GRTP1: variants seen among roughly 807,000 people sequenced by gnomAD.
The protein encoded by GRTP1 is growth hormone regulated TBC protein 1.
A neutral mutation model predicts 38.1 loss-of-function variants in GRTP1; 56 were observed. The observed-to-expected ratio is 1.47, with a 90% CI of 1.19 to 1.84. The LOEUF is 1.84. Among genes scored for constraint, GRTP1 ranks in the 40% most tolerant of loss-of-function variants. GRTP1 has a pLI of 0.00. For missense variants in GRTP1, 506 were observed against 453.9 expected (o/e 1.11, Z -1.04); for synonymous variants, 217 against 189.5 (o/e 1.14, Z -1.19).
At chr13:113,334,280 A>ACTGCCTCCCGCCCCCCCCG (rs1202504022) in intron 5 of GRTP1, among the ~76,000 whole-genome samples, 137 of 142,530 alleles carry the variant, frequency 9.6e-4, no homozygotes, top group Middle Eastern at 3.5e-3. Context: ...CACTGCCACG[A>ACTGCCTCCCGCCCCCCCCG]CAGCCTCCCG....
At chr13:113,325,328 C>G in intron 7 of GRTP1, 1 of 1,401,156 alleles carries the variant, frequency 7.1e-7, no homozygotes, top group East Asian at 2.6e-5. Context: ...GGACCTGAGT[C>G]TATACGGCCT....
chr13:113,361,275 A>G (rs1241247883), intron 2 of GRTP1, among the ~76,000 whole-genome samples: 1 of 149,882 alleles, frequency 6.7e-6, no homozygotes, highest in East Asian at 2.0e-4. Context: ...ATTGCAAAGG[A>G]GTGGGGAAAA....
chr13:113,328,930 T>C (rs2042815466), intron 5 of GRTP1, among the ~76,000 whole-genome samples: 1 of 149,446 alleles, frequency 6.7e-6, no homozygotes, highest in Non-Finnish European at 1.5e-5. Context: ...AGAAGCCTGA[T>C]GCATCTCAAA....
At position 113,363,868 on chromosome 13, in the gene GRTP1, G is replaced by A. The variant is rs1448466243; in HGVS notation, c.75C>T (p.Asp25=). 20 of 1,611,752 alleles carry A rather than the reference G, an allele frequency of 1.2e-5. No individual in the cohort carries two copies. Among genetic ancestry groups the A allele is most frequent in the Non-Finnish European group, 1.6e-5 (19 of 1,179,572 alleles). ...TGGAGAAAAACTTCTCGTAGGCGGC[G>A]TCGTCGAAGTCCTCAGGCCGCTCGA... ...YGFERPEDFD[D]AAYEKFFSSY... Residue 25 remains aspartate, a synonymous_variant, in exon 2 of 8, where the codon GAC becomes GAT. Coordinates refer to ENST00000375431, the MANE Select transcript of GRTP1 (RefSeq NM_024719.4).
At chr13:113,331,271 C>T (rs1304139069) in intron 5 of GRTP1, among the ~76,000 whole-genome samples, 1 of 152,214 alleles carries the variant, frequency 6.6e-6, no homozygotes, top group Non-Finnish European at 1.5e-5. Context: ...TGCTCCTCAT[C>T]TGAGCCACAG....
intron 7 of GRTP1, chr13:113,325,156 C>T: frequency 9.6e-7 from 1 of 1,039,530 alleles, no homozygotes; most frequent in Non-Finnish European, 1.2e-6. Context: ...TGATGAAGGC[C>T]CAGCTGCTGA....
At chr13:113,346,727 T>C (rs36175247) in intron 4 of GRTP1, among the ~76,000 whole-genome samples, 4 of 194 alleles carry the variant, frequency 0.021, 2 homozygotes, top group Admixed American at 0.14. Context: ...CCTCTGTGGC[T>C]GAGAGCGGAC....
At chr13:113,325,388 T>A in intron 7 of GRTP1, 1 of 1,431,590 alleles carries the variant, frequency 7.0e-7, no homozygotes, top group Non-Finnish European at 9.1e-7. Flanking sequence ...GAAGCCACAC[T>A]TCTGGCACCA....
intron 4 of GRTP1, among the ~76,000 whole-genome samples, chr13:113,350,597 G>T (rs1222252588): frequency 7.8e-6 from 1 of 127,772 alleles, no homozygotes; most frequent in South Asian, 2.6e-4. Flanking sequence ...CACAGCGCAC[G>T]CACCCCACAG....
intron 5 of GRTP1, among the ~76,000 whole-genome samples, chr13:113,330,868 AGCCCAGGTGTGTGCATGG>A: frequency 1.4e-4 from 1 of 7,336 alleles, no homozygotes; most frequent in African/African-American, 6.5e-4. Flanking sequence ...TGTGCATGGA[AGCCCAGGTGTGTGCATGG>A]AAACCCGGGT....
intron 5 of GRTP1, among the ~76,000 whole-genome samples, chr13:113,337,986 C>T (rs1025277380): frequency 6.6e-6 from 1 of 152,260 alleles, no homozygotes; most frequent in African/African-American, 2.4e-5. Context: ...TAAAACCTGA[C>T]CTGCTTCCCT....
At chr13:113,336,010 T>C (rs2042949316) in intron 5 of GRTP1, among the ~76,000 whole-genome samples, 1 of 152,116 alleles carries the variant, frequency 6.6e-6, no homozygotes, top group Non-Finnish European at 1.5e-5. Context: ...CAGGCTGGTC[T>C]GAAACTCCTG....
Position 113,363,747 on chromosome 13 carries a change from GC to G in GRTP1, c.181+14del, listed in dbSNP as rs1566447109. 1 of 1,601,326 alleles carries G rather than the reference GC, an allele frequency of 6.2e-7. No homozygotes were observed. The highest frequency in any genetic ancestry group is 2.2e-5 in the East Asian group (1 of 44,506). ...ACCTGCGCCCTCGGGACCCACCTGC[GC>G]CCCCGGGACCCACCTGTCCGGCTCC... On this transcript the variant is annotated intron_variant, in intron 2 of 7. Transcript: ENST00000375431.
rs776623290 is a variant in GRTP1 at position 113,325,614 on chromosome 13, G to A, written c.921+47C>T. 1.2e-5 allele frequency: 20 copies of A among 1,613,550 alleles called. No individual in the cohort carries two copies. In the East Asian group the frequency reaches 3.1e-4, roughly 25 times the overall value. On this transcript the variant is annotated intron_variant, in intron 7 of 7. Coordinates refer to ENST00000375431, the MANE Select transcript of GRTP1 (RefSeq NM_024719.4). The stretch of plus-strand genomic sequence containing the variant: ...AGAGCAGCCCCCGGGCTGCAGGTGA[G>A]GCGGGGCCCCCTGGGAGGGGACTGA...
At chr13:113,351,349 G>C (rs554351386) in intron 3 of GRTP1, among the ~76,000 whole-genome samples, 1 of 152,360 alleles carries the variant, frequency 6.6e-6, no homozygotes, top group South Asian at 2.1e-4. Flanking sequence ...CGAGGACCCA[G>C]GGTGACAGGT....
chr13:113,346,175 CGGG>C (rs2043118315), intron 4 of GRTP1, among the ~76,000 whole-genome samples: 4 of 135,788 alleles, frequency 2.9e-5, no homozygotes, highest in African/African-American at 1.1e-4. Flanking sequence ...ACAGTGGACC[CGGG>C]AGGACCTCTG....
chr13:113,338,300 C>T (rs1193373239), intron 5 of GRTP1, among the ~76,000 whole-genome samples: 1 of 152,126 alleles, frequency 6.6e-6, no homozygotes, highest in African/African-American at 2.4e-5. Context: ...GCTGAGAACT[C>T]GGGGTGTGGG....
intron 4 of GRTP1, among the ~76,000 whole-genome samples, chr13:113,347,887 A>T (rs542107742): frequency 2.2e-3 from 329 of 147,612 alleles, no homozygotes; most frequent in African/African-American, 8.0e-3. Flanking sequence ...TCTGAAGCCG[A>T]GAGCAGACCC....
Position 113,349,077 on chromosome 13 carries a change from G to A in GRTP1, c.465+1772C>T, listed in dbSNP as rs548974095. Among the ~76,000 whole-genome samples the A allele has an allele frequency of 2.0e-4, 31 of 152,282 alleles. No homozygotes were observed. The South Asian group carries it at 3.9e-3, about 19-fold the overall frequency. On this transcript the variant is annotated intron_variant, in intron 4 of 7. Coordinates refer to ENST00000375431, the MANE Select transcript of GRTP1 (RefSeq NM_024719.4). This position sits in a 1 kb window ranked among gnomAD's most constrained non-coding sequence, Gnocchi z 5.0. ...AATAGAGATGGGGTCTTGCTCTATT[G>A]CCCAGGCTGGTCTTGAACTCTTGGC...
Sources: allele counts gnomAD v4.1 joint callset (sites outside exome capture counted in the v4.1 genomes callset), GRCh38; gene constraint gnomAD v4.1.1; non-coding constraint Gnocchi (gnomAD v3.1); transcripts MANE v1.5; gene names NCBI Gene and HGNC (gene_info 2026-07-23, HGNC 2026-07-21).